The following PFKFB4 variants were observed in gnomAD, a reference collection of about 807,000 sequenced individuals.
PFKFB4 encodes the protein 6-phosphofructo-2-kinase/fructose-2,6-biphosphatase 4.
PFKFB4 carries 42 observed loss-of-function variants against 62.8 expected under a neutral mutation model. The observed-to-expected ratio is 0.67, with a 90% CI of 0.52 to 0.86. The LOEUF (loss-of-function observed/expected upper bound fraction) is 0.86. PFKFB4 is among the 40% of genes least tolerant of loss of function. The pLI is 0.00. For missense variants in PFKFB4, 475 were observed against 627.2 expected (o/e 0.76, Z 2.59); for synonymous variants, 204 against 240.7 (o/e 0.85, Z 1.41).
chr3:48,551,164 C>T (rs1327399393), intron 1 of PFKFB4, among the ~76,000 whole-genome samples: 1 of 152,092 alleles, frequency 6.6e-6, no homozygotes, highest in Non-Finnish European at 1.5e-5. Context: ...AGAACAGATA[C>T]CAAGGCAGCA....
chr3:48,546,860 T>G (rs974293639), intron 3 of PFKFB4, among the ~76,000 whole-genome samples: 2 of 152,218 alleles, frequency 1.3e-5, no homozygotes, highest in African/African-American at 4.8e-5. Context: ...CTGATGAATT[T>G]CCCTGGCAGA....
At chr3:48,561,671 C>T (rs2043434879), upstream of PFKFB4, 1 of 151,952 alleles carries the variant, frequency 6.6e-6, no homozygotes, top group Non-Finnish European at 1.5e-5. This position sits in a 1 kb window ranked among gnomAD's most constrained non-coding sequence, Gnocchi z 5.2. Flanking sequence ...TTGAGCACCT[C>T]CTGCTGCAGG....
Position 48,556,613 on chromosome 3 carries a change from C to A in PFKFB4, c.97+68G>T. The A allele has an allele frequency of 6.6e-7, 1 of 1,507,488 alleles. No homozygotes were observed. The highest frequency in any genetic ancestry group is 1.2e-5 in the South Asian group (1 of 81,498). 93.4% of individuals were successfully genotyped at this position (1,507,488 alleles called of 1,614,324 possible). On this transcript the variant is annotated intron_variant, in intron 1 of 13. Coordinates refer to ENST00000232375, the MANE Select transcript of PFKFB4 (RefSeq NM_004567.4). The surrounding 1 kb of genome is among the most constrained non-coding windows in gnomAD (Gnocchi z 5.7). ...CCCGCCCCTTCTCCATGCGAGACCCCCGCCCAGGCCGCCCTACCCACCCAT... is the reference window on the plus strand; with the variant it reads ...CCCGCCCCTTCTCCATGCGAGACCCACGCCCAGGCCGCCCTACCCACCCAT...
chr3:48,549,121 A>G (rs2043050753), intron 3 of PFKFB4, among the ~76,000 whole-genome samples: 1 of 152,306 alleles, frequency 6.6e-6, no homozygotes, highest in Non-Finnish European at 1.5e-5. Flanking sequence ...TCCTGAGAAA[A>G]GCACAGCATG....
chr3:48,557,250 A>AGGGAGGGGTTTTCATGCAGT (rs1560185038), upstream of PFKFB4, among the ~76,000 whole-genome samples: 2 of 152,146 alleles, frequency 1.3e-5, no homozygotes, highest in Non-Finnish European at 2.9e-5. Flanking sequence ...GGCCCCCAGG[A>AGGGAGGGGTTTTCATGCAGT]GGGAGGGGTT....
intron 7 of PFKFB4, among the ~76,000 whole-genome samples, chr3:48,538,100 A>C (rs2042682158): frequency 6.6e-6 from 1 of 152,166 alleles, no homozygotes; most frequent in Admixed American, 6.5e-5. Flanking sequence ...CCATTGATTT[A>C]CATATCATCT....
At chr3:48,551,519 CTTTTTTTTTTTTTTT>C (rs71074260) in intron 1 of PFKFB4, among the ~76,000 whole-genome samples, 164 of 29,132 alleles carry the variant, frequency 5.6e-3, no homozygotes, top group African/African-American at 0.021. Flanking sequence ...CTCCAGCCTT[CTTTTTTTTTTTTTTT>C]TTTTTTTTTT....
chr3:48,555,995 G>A (rs1439377014), intron 1 of PFKFB4: 1 of 420,890 alleles, frequency 2.4e-6, no homozygotes, highest in African/African-American at 2.0e-5. Flanking sequence ...GGAGAGGTGA[G>A]CCCCTTAACA....
At chr3:48,524,971 AGGGCT>A (rs961026386) in intron 10 of PFKFB4, among the ~76,000 whole-genome samples, 1 of 152,068 alleles carries the variant, frequency 6.6e-6, no homozygotes, top group Non-Finnish European at 1.5e-5. Flanking sequence ...GTCTGGTGCC[AGGGCT>A]GGGGGTGGTG....
intron 3 of PFKFB4, 29 bp downstream of exon 3, chr3:48,549,835 C>CT (rs760954006): frequency 7.2e-7 from 1 of 1,395,038 alleles, no homozygotes; most frequent in South Asian, 1.2e-5. Flanking sequence ...CCAGCAACCT[C>CT]TCCCCCCACA....
At position 48,518,379 on chromosome 3, in the gene PFKFB4, A is replaced by G. The variant is rs963271626; in HGVS notation, c.*1368T>C. On this transcript the variant is annotated 3_prime_UTR_variant, in exon 14 of 14. Transcript: ENST00000232375. ...GCTACCCTCCAGGCACAGGCCAGGA[A>G]AGGCTCCGGACACAAAGGACTTGGG... 1 of 152,350 alleles carries G rather than the reference A, an allele frequency of 6.6e-6. No homozygotes were observed. Among genetic ancestry groups the G allele is most frequent in the African/African-American group, 2.4e-5 (1 of 41,468 alleles). 9.4% of individuals were successfully genotyped at this position (152,350 alleles called of 1,614,324 possible). A position where few individuals can be genotyped will look rare whatever the true frequency, so the allele number is the denominator to read the frequency against.
chr3:48,555,962 C>T (rs2043302917), intron 1 of PFKFB4: 4 of 344,612 alleles, frequency 1.2e-5, no homozygotes, highest in African/African-American at 4.3e-5. Flanking sequence ...CTCAAGGAAG[C>T]GGTTTAAACA....
rs146169545 is a variant in PFKFB4 at position 48,544,885 on chromosome 3, G to C, written c.312-1239C>G. On this transcript the variant is annotated intron_variant, in intron 3 of 13. Coordinates refer to ENST00000232375, the MANE Select transcript of PFKFB4 (RefSeq NM_004567.4). ...ATTATGGGCACGTGCCACCACATCT[G>C]GCTAATTTTTGTATTTTCAGTAGAG... Among the ~76,000 whole-genome samples, 17 of 151,904 alleles carry C rather than the reference G, an allele frequency of 1.1e-4. No homozygotes were observed. In the East Asian group the frequency reaches 2.5e-3, roughly 23 times the overall value.
chr3:48,555,119 C>A (rs7631971), intron 1 of PFKFB4, among the ~76,000 whole-genome samples: 1 of 151,828 alleles, frequency 6.6e-6, no homozygotes, highest in Admixed American at 6.6e-5. Context: ...CAGCCACCCC[C>A]CTAAGTCAGG....
At chr3:48,561,695 C>T (rs2043435228), upstream of PFKFB4, 1 of 150,904 alleles carries the variant, frequency 6.6e-6, no homozygotes, top group Admixed American at 6.6e-5. This position sits in a 1 kb window ranked among gnomAD's most constrained non-coding sequence, Gnocchi z 5.2. Context: ...TCCATGTCTG[C>T]TACATACACA....
At chr3:48,540,459 T>C (rs2042764614) in intron 4 of PFKFB4, among the ~76,000 whole-genome samples, 2 of 152,146 alleles carry the variant, frequency 1.3e-5, no homozygotes, top group African/African-American at 2.4e-5. Context: ...CCAGGCCCCC[T>C]TCCCAACCCC....
At chr3:48,534,892 T>G (rs999558968) in intron 9 of PFKFB4, among the ~76,000 whole-genome samples, 1 of 151,234 alleles carries the variant, frequency 6.6e-6, no homozygotes, top group African/African-American at 2.4e-5. Context: ...CACTGCAACC[T>G]CTGTCTCCTG....
In PFKFB4 at chr3:48,537,474, A is replaced by ATTCATC. The variant is rs796130656; in HGVS notation, c.633-1017_633-1012dup. ...CCTGCTCTATGCACACCCCAAAAGC[A>ATTCATC]TTCATCTCAGAGTTGCTTGTGTTTC... On this transcript the variant is annotated intron_variant, in intron 7 of 13. Coordinates refer to ENST00000232375, the MANE Select transcript of PFKFB4 (RefSeq NM_004567.4). Among the ~76,000 whole-genome samples the ATTCATC allele has an allele frequency of 2.7e-5, 4 of 146,882 alleles. No individual in the cohort carries two copies. In the East Asian group the frequency reaches 6.1e-4, roughly 22 times the overall value.
At chr3:48,553,642 G>A (rs143651304) in intron 1 of PFKFB4, among the ~76,000 whole-genome samples, 15 of 152,366 alleles carry the variant, frequency 9.8e-5, no homozygotes, top group Admixed American at 1.3e-4. Context: ...CTGGCAATGG[G>A]CAGTGTCTAT....
Sources: gnomAD v4.1 joint callset for allele counts (sites outside exome capture counted in the v4.1 genomes callset) on GRCh38, gnomAD v4.1.1 for gene constraint, Gnocchi (gnomAD v3.1) non-coding constraint, MANE v1.5 for transcripts, NCBI Gene and HGNC (gene_info 2026-07-23, HGNC 2026-07-21) for gene names.